The following PTPRD variants were observed in gnomAD, a reference collection of about 807,000 sequenced individuals.
PTPRD encodes receptor-type tyrosine-protein phosphatase delta.
In PTPRD, 34 loss-of-function variants were observed where a neutral mutation model predicts 214.5. That is an observed-to-expected ratio of 0.16 (90% CI 0.12 to 0.21). PTPRD has a LOEUF of 0.21. PTPRD is among the 10% of genes least tolerant of loss of function. PTPRD has a pLI of 1.00. For synonymous variants in PTPRD, 1,128 were observed against 845.7 expected, an observed-to-expected ratio of 1.33 and a Z score of -5.79; for missense variants, 2,545 against 2,398.7, an observed-to-expected ratio of 1.06 and a Z score of -1.27.
chr9:9,419,932 TTTAA>T (rs1175852253), intron 8 of PTPRD, among the ~76,000 whole-genome samples: 1 of 151,666 alleles, frequency 6.6e-6, no homozygotes, highest in Non-Finnish European at 1.5e-5. Context: ...TCAAAATACT[TTTAA>T]TTATCTTTGA....
intron 33 of PTPRD, chr9:8,460,203 A>C: frequency 1.6e-6 from 1 of 636,634 alleles, no homozygotes; most frequent in Non-Finnish European, 2.7e-6. Flanking sequence ...TGGACAACAG[A>C]AGTCTATACC....
At chr9:9,552,973 T>C (rs1358643895) in intron 8 of PTPRD, among the ~76,000 whole-genome samples, 1 of 152,090 alleles carries the variant, frequency 6.6e-6, no homozygotes, top group Admixed American at 6.6e-5. Flanking sequence ...AAGTGGACTG[T>C]CTTCTTCCAT....
chr9:9,771,246 T>A (rs568736466), intron 5 of PTPRD, among the ~76,000 whole-genome samples: 1 of 152,302 alleles, frequency 6.6e-6, no homozygotes, highest in East Asian at 1.9e-4. Context: ...AGAGTCAATG[T>A]TTTATATCAT....
intron 36 of PTPRD, among the ~76,000 whole-genome samples, chr9:8,398,087 T>A (rs2091613896): frequency 6.6e-6 from 1 of 152,180 alleles, no homozygotes; most frequent in Admixed American, 6.6e-5. Context: ...TTTCCATAGA[T>A]CACATATCAA....
intron 11 of PTPRD, among the ~76,000 whole-genome samples, chr9:8,813,041 A>G (rs1253780713): frequency 6.6e-6 from 1 of 152,168 alleles, no homozygotes; most frequent in Non-Finnish European, 1.5e-5. Flanking sequence ...AATAGGATCT[A>G]CACTGCATAG....
intron 2 of PTPRD, among the ~76,000 whole-genome samples, chr9:10,487,052 A>C (rs1387828850): frequency 1.3e-5 from 2 of 152,198 alleles, no homozygotes; most frequent in Non-Finnish European, 2.9e-5. Context: ...TTATCATTAT[A>C]TACTGGCACT....
intron 2 of PTPRD, among the ~76,000 whole-genome samples, chr9:10,552,493 T>G (rs947957604): frequency 3.9e-5 from 6 of 152,138 alleles, no homozygotes; most frequent in African/African-American, 1.4e-4. Context: ...CATGATCATG[T>G]GTAACAGTGT....
chr9:8,418,613 G>A (rs1454732012), intron 35 of PTPRD, among the ~76,000 whole-genome samples: 2 of 146,370 alleles, frequency 1.4e-5, no homozygotes, highest in Admixed American at 6.8e-5. Context: ...CTCAATTTCT[G>A]TGAAAGTCTT....
At chr9:10,358,437 CTTTGT>C (rs2097316592) in intron 2 of PTPRD, among the ~76,000 whole-genome samples, 1 of 151,820 alleles carries the variant, frequency 6.6e-6, no homozygotes, top group Non-Finnish European at 1.5e-5. Context: ...ATGAAGCAAT[CTTTGT>C]TTTAACATCT....
chr9:8,692,198 G>C (rs902222121), intron 12 of PTPRD, among the ~76,000 whole-genome samples: 7 of 152,228 alleles, frequency 4.6e-5, no homozygotes, highest in Admixed American at 4.6e-4. Context: ...CCAGCAGGTG[G>C]ATTAGAGAAG....
rs148814046 is a variant in PTPRD at position 10,399,652 on chromosome 9, G to T, written c.-599-58635C>A. Reference sequence around the variant, plus strand: ...CAAGGTTACCTATACCTATGTGGAGGCTTGTTCAGAGAAAATTTCAGAGAT... The same window carrying T: ...CAAGGTTACCTATACCTATGTGGAGTCTTGTTCAGAGAAAATTTCAGAGAT... On this transcript the variant is annotated intron_variant, in intron 2 of 45. Transcript: ENST00000381196. Among the ~76,000 whole-genome samples the T allele has an allele frequency of 2.6e-5, 4 of 151,956 alleles. No individual in the cohort carries two copies. In the South Asian group the frequency reaches 6.2e-4, roughly 24 times the overall value.
chr9:8,487,176 G>T (rs1007436657), intron 27 of PTPRD, among the ~76,000 whole-genome samples: 1 of 152,062 alleles, frequency 6.6e-6, no homozygotes, highest in African/African-American at 2.4e-5. Flanking sequence ...AAAAGTCTTA[G>T]CATGAGGTTC....
chr9:10,130,231 G>C lies in PTPRD; in HGVS notation c.-544-96441C>G, dbSNP rs1264477384. On this transcript the variant is annotated intron_variant, in intron 3 of 45. Transcript: ENST00000381196. ...GGGACATAATATTCACATTCCAATT[G>C]AGATAGCTTATTCAACAACCATACA... Among the ~76,000 whole-genome samples, 5 of 145,294 alleles carry C rather than the reference G, an allele frequency of 3.4e-5. No homozygotes were observed. The Admixed American group carries it at 3.5e-4, about 10-fold the overall frequency.
In PTPRD at chr9:9,453,143, G is replaced by GC. The variant is rs780228768; in HGVS notation, c.-236-55662dup. Among the ~76,000 whole-genome samples the GC allele has an allele frequency of 2.1e-4, 31 of 150,320 alleles. No individual in the cohort carries two copies. The South Asian group carries it at 3.3e-3, about 16-fold the overall frequency. ...TTGCTGTTAAAACAAGACTTTCAACGCCCCCCCACACAATGCATTGCCTGC... is the reference window on the plus strand; with the variant it reads ...TTGCTGTTAAAACAAGACTTTCAACGCCCCCCCCACACAATGCATTGCCTGC... On this transcript the variant is annotated intron_variant, in intron 8 of 45. Coordinates refer to ENST00000381196, the MANE Select transcript of PTPRD (RefSeq NM_002839.4).
intron 3 of PTPRD, among the ~76,000 whole-genome samples, chr9:10,286,021 C>T (rs1217635300): frequency 6.6e-6 from 1 of 151,792 alleles, no homozygotes; most frequent in Admixed American, 6.6e-5. Flanking sequence ...GAGAAAGGGC[C>T]TAATAGTTAG....
chr9:8,644,716 CAGCCATACT>C (rs1308350080), intron 12 of PTPRD, among the ~76,000 whole-genome samples: 1 of 152,206 alleles, frequency 6.6e-6, no homozygotes, highest in South Asian at 2.1e-4. Context: ...GGAGAACTGG[CAGCCATACT>C]AGCACCCGGA....
At chr9:9,844,600 T>C (rs2059063417) in intron 5 of PTPRD, among the ~76,000 whole-genome samples, 1 of 151,658 alleles carries the variant, frequency 6.6e-6, no homozygotes, top group Non-Finnish European at 1.5e-5. Flanking sequence ...ATTAGAAAAA[T>C]AGGGGAGAAA....
chr9:9,551,661 T>C (rs1179315572), intron 8 of PTPRD, among the ~76,000 whole-genome samples: 1 of 151,992 alleles, frequency 6.6e-6, no homozygotes, highest in Admixed American at 6.6e-5. Flanking sequence ...CCTTCTTTAA[T>C]TCCATTGGAC....
At chr9:10,507,158 C>T (rs1381379397) in intron 2 of PTPRD, among the ~76,000 whole-genome samples, 1 of 151,996 alleles carries the variant, frequency 6.6e-6, no homozygotes, top group Non-Finnish European at 1.5e-5. Flanking sequence ...CAATAACAGA[C>T]AAACAGAGAG....
Sources: gnomAD v4.1 joint callset for allele counts (sites outside exome capture counted in the v4.1 genomes callset) on GRCh38, gnomAD v4.1.1 for gene constraint, MANE v1.5 for transcripts, NCBI Gene and HGNC (gene_info 2026-07-23, HGNC 2026-07-21) for gene names.